GPRASP3: variants seen among roughly 807,000 people sequenced by gnomAD.
The protein encoded by GPRASP3 is G protein-coupled receptor associated sorting protein 3.
At chrX:102,750,794 A>T in the GPRASP3 span, 5 of 369,590 alleles carry the variant, frequency 1.4e-5, no homozygotes, top group African/African-American at 2.6e-5. Context: ...AATGAATATT[A>T]TACCTTGGGC....
At chrX:102,732,405 G>C in the GPRASP3 span, among the ~76,000 whole-genome samples, 1 of 110,005 alleles carries the variant, frequency 9.1e-6, no homozygotes, top group Non-Finnish European at 1.9e-5. Flanking sequence ...CTGTAGAAGG[G>C]TGTCTCTTGA....
the GPRASP3 span, among the ~76,000 whole-genome samples, chrX:102,743,285 T>C: frequency 9.0e-6 from 1 of 110,917 alleles, no homozygotes; most frequent in African/African-American, 3.3e-5. Flanking sequence ...GGCTTAGCGA[T>C]TTTAGGATCC....
At chrX:102,750,287 A>G in the GPRASP3 span, 2 of 1,208,396 alleles carry the variant, frequency 1.7e-6, no homozygotes, top group Non-Finnish European at 2.2e-6. Context: ...ATACTAGGAC[A>G]ACTGACTACT....
the GPRASP3 span, among the ~76,000 whole-genome samples, chrX:102,724,211 G>A: frequency 9.0e-6 from 1 of 111,234 alleles, no homozygotes; most frequent in Non-Finnish European, 1.9e-5. Flanking sequence ...TGGTGATTGT[G>A]CCCTTAAACC....
At chrX:102,748,343 G>A in the GPRASP3 span, among the ~76,000 whole-genome samples, 207 of 111,763 alleles carry the variant, frequency 1.9e-3, 1 homozygote, top group African/African-American at 6.6e-3. Flanking sequence ...ATCAGTGCAG[G>A]TTGGTGTGAG....
At chrX:102,738,940 A>C in the GPRASP3 span, among the ~76,000 whole-genome samples, 1 of 111,463 alleles carries the variant, frequency 9.0e-6, no homozygotes, top group Non-Finnish European at 1.9e-5. Context: ...TATATGTAAG[A>C]AGTACATTGG....
the GPRASP3 span, among the ~76,000 whole-genome samples, chrX:102,733,237 C>G: frequency 8.9e-6 from 1 of 111,743 alleles, no homozygotes; most frequent in African/African-American, 3.3e-5. Flanking sequence ...AGGAGCATCA[C>G]CTAAGGTCAG....
At chrX:102,745,457 T>C in the GPRASP3 span, among the ~76,000 whole-genome samples, 14 of 111,190 alleles carry the variant, frequency 1.3e-4, 2 homozygotes, top group East Asian at 8.6e-4. Context: ...CTTCCTCCCC[T>C]GCGTGGCTCC....
the GPRASP3 span, chrX:102,752,172 A>G: frequency 8.1e-6 from 1 of 122,769 alleles, no homozygotes; most frequent in Admixed American, 9.5e-5. Flanking sequence ...AACCTACAAG[A>G]TAGTGATTCT....
At chrX:102,734,096 T>C in the GPRASP3 span, among the ~76,000 whole-genome samples, 1 of 111,398 alleles carries the variant, frequency 9.0e-6, no homozygotes, top group African/African-American at 3.3e-5. Flanking sequence ...TTCACTTCTT[T>C]TGTGGTGCAA....
At chrX:102,727,200 A>G in the GPRASP3 span, among the ~76,000 whole-genome samples, 1 of 112,704 alleles carries the variant, frequency 8.9e-6, no homozygotes. Flanking sequence ...TGGTTGTTTA[A>G]TTCAGCGAAG....
chrX:102,732,066 AT>A, the GPRASP3 span, among the ~76,000 whole-genome samples: 1 of 111,990 alleles, frequency 8.9e-6, no homozygotes, highest in African/African-American at 3.2e-5. Context: ...AGGCAATGGG[AT>A]AATTGCGGAA....
At chrX:102,745,242 T>G in the GPRASP3 span, among the ~76,000 whole-genome samples, 1,242 of 110,776 alleles carry the variant, frequency 0.011, 25 homozygotes, top group African/African-American at 0.039. Flanking sequence ...TCTTTTGGGG[T>G]CAACTGTGGG....
the GPRASP3 span, among the ~76,000 whole-genome samples, chrX:102,741,524 T>C: frequency 1.8e-5 from 2 of 112,364 alleles, no homozygotes; most frequent in South Asian, 7.5e-4. Context: ...TTGCCTGCAT[T>C]CAATTAACAC....
chrX:102,747,390 T>C, the GPRASP3 span, among the ~76,000 whole-genome samples: 1 of 111,853 alleles, frequency 8.9e-6, no homozygotes, highest in Non-Finnish European at 1.9e-5. Flanking sequence ...GGATAGCATC[T>C]CCTGAGAACT....
the GPRASP3 span, chrX:102,749,649 T>C: frequency 2.5e-6 from 3 of 1,209,808 alleles, no homozygotes; most frequent in Non-Finnish European, 2.2e-6. Context: ...CTGAGGTAAC[T>C]ATCTGGCCCA....
chrX:102,721,855 C>G, the GPRASP3 span, among the ~76,000 whole-genome samples: 7 of 111,059 alleles, frequency 6.3e-5, no homozygotes, highest in African/African-American at 2.3e-4. Context: ...TTCTTTGGTC[C>G]CATCCTAGGT....
the GPRASP3 span, among the ~76,000 whole-genome samples, chrX:102,726,294 C>G: frequency 8.9e-6 from 1 of 112,504 alleles, no homozygotes; most frequent in Non-Finnish European, 1.9e-5. Flanking sequence ...TGCATTACTT[C>G]TATGCTATGT....
chrX:102,733,725 T>C, the GPRASP3 span, among the ~76,000 whole-genome samples: 3 of 109,704 alleles, frequency 2.7e-5, no homozygotes, highest in African/African-American at 9.9e-5. Flanking sequence ...TTGATATTCA[T>C]GAACATTTCA....
Sources: allele counts gnomAD v4.1 joint callset (sites outside exome capture counted in the v4.1 genomes callset), GRCh38; gene constraint gnomAD v4.1.1; transcripts MANE v1.5; gene names NCBI Gene and HGNC (gene_info 2026-07-23, HGNC 2026-07-21).